The following BSN variants were observed in gnomAD, a reference collection of about 807,000 sequenced individuals.
BSN encodes the protein protein bassoon.
BSN carries 57 observed loss-of-function variants against 264.8 expected under a neutral mutation model. The ratio of observed to expected loss-of-function variants is 0.22; its 90% CI spans 0.17 to 0.27. The LOEUF is 0.27. BSN is among the 10% of genes least tolerant of loss of function. BSN has a pLI of 1.00. For synonymous variants in BSN, 2,059 were observed against 2,137.3 expected, an observed-to-expected ratio of 0.96 and a Z score of 1.01; for missense variants, 4,615 against 5,232.5, an observed-to-expected ratio of 0.88 and a Z score of 3.64.
intron 1 of BSN, among the ~76,000 whole-genome samples, chr3:49,589,010 G>A (rs1370021314): frequency 1.3e-5 from 2 of 150,734 alleles, no homozygotes; most frequent in Non-Finnish European, 2.9e-5. Context: ...CGCCTCCCGC[G>A]TTTACGCCAT....
In BSN at chr3:49,669,754, T is replaced by C. The variant is rs997486164; in HGVS notation, c.*2269T>C. ...AACAGTGGCTTCAAGCTAAGTTTCT[T>C]GTGAAGTTTCTCAATAGCAAATCTT... On this transcript the variant is annotated 3_prime_UTR_variant, in exon 12 of 12. Transcript: ENST00000296452. 2.0e-5 allele frequency: 3 copies of C among 152,302 alleles called. No homozygotes were observed. Among genetic ancestry groups the C allele is most frequent in the Non-Finnish European group, 4.4e-5 (3 of 68,050 alleles). The allele number at this position is 152,302 out of a possible 1,614,324, so 9.4% of individuals were successfully genotyped here. A position where few individuals can be genotyped will look rare whatever the true frequency, so the allele number is the denominator to read the frequency against.
In BSN at chr3:49,652,921, C is replaced by T. The variant is rs760368176; in HGVS notation, c.3365C>T (p.Ser1122Phe). The T allele has an allele frequency of 7.4e-6, 12 of 1,610,864 alleles. No homozygotes were observed. Among genetic ancestry groups the T allele is most frequent in the Non-Finnish European group, 1.0e-5 (12 of 1,178,164 alleles). ...GAGATGGAGGAGCTACACCGCTCCT[C>T]CTGCTCTGAGTACTCACCCTCACCC... ...AAEMEELHRS[S>F]CSEYSPSPSL... is the part of the protein sequence containing the mutation. The change falls in exon 5 of 12, where the codon TCC becomes TTC. Residue 1122 changes from serine to phenylalanine, a missense_variant. Physicochemically the swap from Ser to Phe is radical, Grantham distance 155 (BLOSUM62 -2). This residue lies in a region of BSN where 3,415 missense variants were observed against 3,866.4 expected (regional missense o/e 0.88). Coordinates refer to ENST00000296452, the MANE Select transcript of BSN (RefSeq NM_003458.4).
intron 1 of BSN, among the ~76,000 whole-genome samples, chr3:49,575,903 T>C (rs1307715860): frequency 2.6e-5 from 4 of 152,084 alleles, no homozygotes. Context: ...TATGCATTTA[T>C]ATCTGTGAAC....
intron 7 of BSN, 43 bp downstream of exon 7, chr3:49,663,709 C>A (rs772435165): frequency 1.2e-6 from 2 of 1,606,202 alleles, no homozygotes; most frequent in South Asian, 2.2e-5. Context: ...AGGGAAGATG[C>A]TATGAATGAA....
In BSN at chr3:49,606,178, T is replaced by C. The variant is rs865780435; in HGVS notation, c.225-18797T>C. ...ATATTATATATACATATATTATATA[T>C]GTATATATATTATATATACATATAT... is the stretch of plus-strand genomic sequence containing the variant. On this transcript the variant is annotated intron_variant, in intron 1 of 11. Coordinates refer to ENST00000296452, the MANE Select transcript of BSN (RefSeq NM_003458.4). Among the ~76,000 whole-genome samples, 46 of 21,386 alleles carry C rather than the reference T, an allele frequency of 2.2e-3. 1 individual carries two copies. Among genetic ancestry groups the C allele is most frequent in the South Asian group, 7.0e-3 (1 of 142 alleles). The allele number at this position is 21,386 out of a possible 152,430, so 14.0% of individuals were successfully genotyped here.
Position 49,661,339 on chromosome 3 carries a change from C to T in BSN, c.9494C>T (p.Ala3165Val). Residue 3165 changes from alanine (A) to valine (V), a missense_variant, in exon 6 of 12, where the codon GCC becomes GTC. Ala to Val is a moderately conservative substitution (Grantham distance 64, BLOSUM62 0). This residue lies in a region of BSN where 3,415 missense variants were observed against 3,866.4 expected (regional missense o/e 0.88). Transcript: ENST00000296452. ...QKVPTNYEVI[A>V]SPVVPMSSAP... ...GTGCCCACCAACTATGAGGTGATCG[C>T]CAGCCCCGTTGTGCCCATGTCTTCA... The T allele has an allele frequency of 6.2e-7, 1 of 1,614,014 alleles. No individual in the cohort carries two copies.
Position 49,656,247 on chromosome 3 carries a change from G to T in BSN, c.6691G>T (p.Gly2231Cys). 1 of 1,611,996 alleles carries T rather than the reference G, an allele frequency of 6.2e-7. No individual in the cohort carries two copies. Among genetic ancestry groups the T allele is most frequent in the South Asian group, 1.1e-5 (1 of 90,810 alleles). The change falls in exon 5 of 12, where the codon GGT (glycine) becomes TGT (cysteine). Residue 2231 changes from glycine (G) to cysteine (C), a missense_variant. By Grantham distance (159) the Gly-to-Cys change is radical. Coordinates refer to ENST00000296452, the MANE Select transcript of BSN (RefSeq NM_003458.4). ...TGGCATGTACAGGCCTTACGCATCT[G>T]GTGGAATCACAGCCGTGCCACTCAC... ...RGGMYRPYASGGITAVPLTSL... is the reference protein window; with the variant it reads ...RGGMYRPYASCGITAVPLTSL...
intron 1 of BSN, among the ~76,000 whole-genome samples, chr3:49,607,274 AG>A (rs1346542551): frequency 6.6e-6 from 1 of 152,198 alleles, no homozygotes; most frequent in African/African-American, 2.4e-5. Flanking sequence ...AAAGGGAGGA[AG>A]GCAAGGCTAA....
intron 1 of BSN, among the ~76,000 whole-genome samples, chr3:49,599,541 G>A (rs185770149): frequency 2.0e-5 from 3 of 152,124 alleles, no homozygotes; most frequent in Admixed American, 1.3e-4. Context: ...CAGAGCTAGG[G>A]ATGGGGGAGG....
chr3:49,607,364 G>A lies in BSN; in HGVS notation c.225-17611G>A, dbSNP rs368893457. Among the ~76,000 whole-genome samples the A allele has an allele frequency of 1.1e-4, 17 of 152,348 alleles. No homozygotes were observed. The East Asian group carries it at 2.3e-3, about 21-fold the overall frequency. On this transcript the variant is annotated intron_variant, in intron 1 of 11. Coordinates refer to ENST00000296452, the MANE Select transcript of BSN (RefSeq NM_003458.4). ...TGGCCCTGGTCCCTCTGTTGGCTCAGTCTGGCCCAGGCATTCTGGGTGTGG... is the reference window on the plus strand; with the variant it reads ...TGGCCCTGGTCCCTCTGTTGGCTCAATCTGGCCCAGGCATTCTGGGTGTGG...
intron 1 of BSN, among the ~76,000 whole-genome samples, chr3:49,587,567 C>T (rs781587116): frequency 5.3e-5 from 8 of 152,196 alleles, no homozygotes; most frequent in African/African-American, 9.6e-5. Flanking sequence ...TGAAAGTGCA[C>T]TCCACAGACT....
rs201179757 is a variant in BSN, at chr3:49,661,531, G to A, written c.9686G>A (p.Arg3229Gln). ...HYTSLEQNVPRNYVMIDDISE... is the reference protein window; with the variant it reads ...HYTSLEQNVPQNYVMIDDISE... ...ACCAGTCTGGAGCAGAACGTTCCTC[G>A]AAACTACGTAATGATTGATGACATC... is the stretch of plus-strand genomic sequence containing the variant. Residue 3229 changes from arginine (R) to glutamine (Q), a missense_variant, in exon 6 of 12, where the codon CGA becomes CAA. Physicochemically the swap from Arg to Gln is conservative, Grantham distance 43. Transcript: ENST00000296452. The A allele has an allele frequency of 2.5e-5, 40 of 1,614,036 alleles. No individual in the cohort carries two copies. Among genetic ancestry groups the A allele is most frequent in the East Asian group, 2.0e-4 (9 of 44,880 alleles).
At chr3:49,672,025 CTTTTTTTTTTTTTTTTTT>C (rs34710169), downstream of BSN, among the ~76,000 whole-genome samples, 13 of 100,434 alleles carry the variant, frequency 1.3e-4, no homozygotes, top group African/African-American at 3.7e-4. Context: ...GTTGCTAGAC[CTTTTTTTTTTTTTTTTTT>C]TTTTTTAACA....
chr3:49,673,111 T>TTTTTTTTTTTTTTTTTTC (rs2052850610), downstream of BSN, among the ~76,000 whole-genome samples: 1 of 132,824 alleles, frequency 7.5e-6, no homozygotes. Context: ...TTTTTTTTTT[T>TTTTTTTTTTTTTTTTTTC]TTTTACTTAA....
intron 3 of BSN, among the ~76,000 whole-genome samples, chr3:49,649,561 A>C (rs2052523428): frequency 6.6e-6 from 1 of 152,196 alleles, no homozygotes; most frequent in Admixed American, 6.5e-5. Flanking sequence ...TCAGCCTCAG[A>C]CCTGCTGCAG....
Position 49,660,743 on chromosome 3 carries a change from TGAG to T in BSN, c.8905_8907del (p.Glu2969del). On this transcript the variant is annotated inframe_deletion, in exon 6 of 12. Transcript: ENST00000296452. This position sits in a 1 kb window ranked among gnomAD's most constrained non-coding sequence, Gnocchi z 7.1. Reference sequence around the variant, plus strand: ...TGCGCAAGAAGCAGGCAGAGCTGGATGAGGAGGAGAAGGAGATTGACGCCAAGC... The same window carrying T: ...TGCGCAAGAAGCAGGCAGAGCTGGATGAGGAGAAGGAGATTGACGCCAAGC... The T allele has an allele frequency of 6.2e-7, 1 of 1,613,144 alleles. No homozygotes were observed. Among genetic ancestry groups the T allele is most frequent in the Non-Finnish European group, 8.5e-7 (1 of 1,179,930 alleles).
rs865942431 is a variant in BSN, at chr3:49,652,556, C to T, written c.3000C>T (p.Ser1000=). Residue 1000 remains serine, a synonymous_variant, in exon 5 of 12, where the codon TCC becomes TCT. Transcript: ENST00000296452. ...CGGGCACCTCTCCCACCTCTCTGTC[C>T]TCCCTAGAGGAGGACAGTGACAGCA... is the stretch of plus-strand genomic sequence containing the variant. The part of the protein sequence containing the change: ...YTSGTSPTSL[S]SLEEDSDSSP... The T allele has an allele frequency of 6.2e-7, 1 of 1,613,566 alleles. No homozygotes were observed. Among genetic ancestry groups the T allele is most frequent in the South Asian group, 1.1e-5 (1 of 91,078 alleles).
intron 1 of BSN, among the ~76,000 whole-genome samples, chr3:49,567,323 T>C (rs1333449997): frequency 1.3e-5 from 2 of 152,242 alleles, no homozygotes; most frequent in African/African-American, 2.4e-5. Context: ...CAGTTTGCCT[T>C]TAATTTGTAA....
At chr3:49,664,190 C>A (rs1559620287) in intron 8 of BSN, among the ~76,000 whole-genome samples, 1 of 152,202 alleles carries the variant, frequency 6.6e-6, no homozygotes, top group Non-Finnish European at 1.5e-5. Flanking sequence ...TCCTGCTCTT[C>A]TCTGCCTTTT....
Sources: allele counts gnomAD v4.1 joint callset (sites outside exome capture counted in the v4.1 genomes callset), GRCh38; gene constraint gnomAD v4.1.1; regional missense constraint gnomAD v4.1.1; non-coding constraint Gnocchi (gnomAD v3.1); transcripts MANE v1.5; gene names NCBI Gene and HGNC (gene_info 2026-07-23, HGNC 2026-07-21).